Variants in MACROD2 observed in about 807,000 individuals in gnomAD.
MACROD2 encodes mono-ADP ribosylhydrolase 2.
Under a neutral mutation model 70.4 loss-of-function variants are expected in MACROD2, and 36 were observed. That is an observed-to-expected ratio of 0.51 (90% CI 0.39 to 0.68). The LOEUF (loss-of-function observed/expected upper bound fraction) is 0.68, where lower values mean the gene tolerates loss of function less well. MACROD2 is among the 30% of genes least tolerant of loss of function. The pLI, the probability that MACROD2 is intolerant of heterozygous loss-of-function variation, is 0.00. For missense variants in MACROD2, 496 were observed against 538.4 expected, an observed-to-expected ratio of 0.92 and a Z score of 0.78; for synonymous variants, 172 against 178.8, an observed-to-expected ratio of 0.96 and a Z score of 0.30.
chr20:15,027,965 G>C (rs1271946286), intron 5 of MACROD2, among the ~76,000 whole-genome samples: 1 of 152,156 alleles, frequency 6.6e-6, no homozygotes, highest in Admixed American at 6.5e-5. Context: ...GCTGGAATGT[G>C]GTGGCCTTGG....
At chr20:14,144,499 T>A (rs538565502) in intron 3 of MACROD2, among the ~76,000 whole-genome samples, 1 of 152,330 alleles carries the variant, frequency 6.6e-6, no homozygotes, top group South Asian at 2.1e-4. Flanking sequence ...AACTAATATT[T>A]ATTACCTGCA....
chr20:14,757,871 C>T lies in MACROD2; in HGVS notation c.418+72912C>T, dbSNP rs950750850. The T allele has an allele frequency of 1.5e-5, 23 of 1,485,594 alleles. 1 individual carries two copies. The East Asian group carries it at 2.3e-4, about 15-fold the overall frequency. 92.0% of individuals were successfully genotyped at this position (1,485,594 alleles called of 1,614,324 possible). ...TAGCCGTCCAGGGACTGGCAGGCCT[C>T]GGCCTAAAGGTCTGAAGGGTGAGTG... On this transcript the variant is annotated intron_variant, in intron 5 of 17. Coordinates refer to ENST00000684519, the MANE Select transcript of MACROD2 (RefSeq NM_001351661.2).
intron 4 of MACROD2, among the ~76,000 whole-genome samples, chr20:14,507,279 A>G (rs1030137376): frequency 2.0e-5 from 3 of 152,132 alleles, no homozygotes; most frequent in African/African-American, 7.2e-5. Context: ...CTCCTGTTAC[A>G]TATATGTTGT....
At chr20:15,988,874 A>G (rs1156473400) in intron 15 of MACROD2, among the ~76,000 whole-genome samples, 2 of 152,158 alleles carry the variant, frequency 1.3e-5, no homozygotes, top group African/African-American at 2.4e-5. Flanking sequence ...TTTTAAGTGC[A>G]TCACATTTGT....
rs946627618 is a variant in MACROD2 at position 15,489,874 on chromosome 20, C to T, written c.572-9900C>T. Among the ~76,000 whole-genome samples the T allele has an allele frequency of 1.2e-4, 18 of 152,042 alleles. No individual in the cohort carries two copies. The East Asian group carries it at 1.4e-3, about 11-fold the overall frequency. On this transcript the variant is annotated intron_variant, in intron 7 of 17. Transcript: ENST00000684519. ...TCCTGTCCCTTGCTTGAGTCTTCCA[C>T]GAGCCACTTTTCCTCTCCTGTAAAA...
At chr20:14,302,724 T>G (rs1601452760) in intron 3 of MACROD2, among the ~76,000 whole-genome samples, 1 of 152,034 alleles carries the variant, frequency 6.6e-6, no homozygotes, top group African/African-American at 2.4e-5. Context: ...GGCGCGATCT[T>G]GGCTCACTGC....
chr20:14,259,646 G>T (rs2082086157), intron 3 of MACROD2, among the ~76,000 whole-genome samples: 1 of 152,198 alleles, frequency 6.6e-6, no homozygotes, highest in Non-Finnish European at 1.5e-5. Flanking sequence ...ACCCAAAAAT[G>T]AATGAAACAG....
intron 4 of MACROD2, among the ~76,000 whole-genome samples, chr20:14,635,878 A>G (rs911188232): frequency 3.3e-5 from 5 of 152,194 alleles, no homozygotes; most frequent in South Asian, 2.1e-4. Context: ...TGAGGATGTG[A>G]TGTCAAATGG....
At chr20:15,524,644 A>G (rs1207617141) in intron 8 of MACROD2, among the ~76,000 whole-genome samples, 1 of 152,138 alleles carries the variant, frequency 6.6e-6, no homozygotes, top group East Asian at 1.9e-4. Context: ...TATCACCTAT[A>G]GGAAATCCCA....
rs111427241 is a variant in MACROD2, at chr20:15,617,152, T to C, written c.645+117305T>C. ...TTCAAGTTACCAGGCTTTGTGCTCTTTTTCCCTGTAGTTTTTCTCCCATGT... is the reference window on the plus strand; with the variant it reads ...TTCAAGTTACCAGGCTTTGTGCTCTCTTTCCCTGTAGTTTTTCTCCCATGT... On this transcript the variant is annotated intron_variant, in intron 8 of 17. Transcript: ENST00000684519. 1.3e-3 allele frequency among the ~76,000 whole-genome samples: 193 copies of C among 152,332 alleles called. 4 individuals carry two copies. Among genetic ancestry groups the C allele is most frequent in the African/African-American group, 4.6e-3 (190 of 41,572 alleles).
chr20:14,663,509 C>G (rs1986332229), intron 4 of MACROD2, among the ~76,000 whole-genome samples: 1 of 141,974 alleles, frequency 7.0e-6, no homozygotes, highest in African/African-American at 2.8e-5. Flanking sequence ...AAAAATAAAA[C>G]AGGGATGTAT....
chr20:14,128,244 G>A, intron 3 of MACROD2: 1 of 342,460 alleles, frequency 2.9e-6, no homozygotes, highest in East Asian at 6.7e-5. Context: ...ATACTATGAT[G>A]AGTATGTGGC....
At chr20:14,538,203 A>G (rs1219217505) in intron 4 of MACROD2, among the ~76,000 whole-genome samples, 2 of 152,230 alleles carry the variant, frequency 1.3e-5, no homozygotes. Context: ...GGGGTGGAGC[A>G]TATGACCTGA....
chr20:14,479,937 C>T (rs13039188), intron 3 of MACROD2, among the ~76,000 whole-genome samples: 22,701 of 152,046 alleles, frequency 0.15, 2,401 homozygotes, highest in Non-Finnish European at 0.21. Context: ...AGTTCAATGG[C>T]GCAATCATAG....
intron 8 of MACROD2, among the ~76,000 whole-genome samples, chr20:15,663,393 C>G (rs1330313542): frequency 6.6e-6 from 1 of 151,886 alleles, no homozygotes; most frequent in African/African-American, 2.4e-5. Flanking sequence ...CACCACCATG[C>G]TTGGCTAATT....
At chr20:14,700,909 A>G (rs2071189287) in intron 5 of MACROD2, among the ~76,000 whole-genome samples, 1 of 152,050 alleles carries the variant, frequency 6.6e-6, no homozygotes, top group Admixed American at 6.6e-5. Flanking sequence ...CCTGAAGTCC[A>G]CTGTCTTGGA....
At chr20:15,440,246 C>T (rs894157763) in intron 7 of MACROD2, among the ~76,000 whole-genome samples, 4 of 152,080 alleles carry the variant, frequency 2.6e-5, no homozygotes, top group African/African-American at 9.7e-5. Context: ...CCAGGTATGA[C>T]GTGGCATATG....
chr20:14,227,302 G>A (rs1555939563), intron 3 of MACROD2, among the ~76,000 whole-genome samples: 1 of 152,076 alleles, frequency 6.6e-6, no homozygotes, highest in Non-Finnish European at 1.5e-5. Flanking sequence ...ACAGGCTCGG[G>A]TCCCCTTTCA....
At position 15,292,071 on chromosome 20, in the gene MACROD2, T is replaced by C. The variant is rs6043176; in HGVS notation, c.540+62010T>C. Reference sequence around the variant, plus strand: ...TTTTTTGTTTTTAGAGATAGAGGTCTCGCTTTGCTGCCCAGGCTGAACTCG... The same window carrying C: ...TTTTTTGTTTTTAGAGATAGAGGTCCCGCTTTGCTGCCCAGGCTGAACTCG... On this transcript the variant is annotated intron_variant, in intron 6 of 17. Transcript: ENST00000684519. 6.4e-3 allele frequency among the ~76,000 whole-genome samples: 976 copies of C among 152,290 alleles called. 16 individuals are homozygous for C. The highest frequency in any genetic ancestry group is 0.022 in the African/African-American group (913 of 41,558).
Sources: allele counts gnomAD v4.1 joint callset (sites outside exome capture counted in the v4.1 genomes callset), GRCh38; gene constraint gnomAD v4.1.1; transcripts MANE v1.5; gene names NCBI Gene and HGNC (gene_info 2026-07-23, HGNC 2026-07-21).